The following TDRD9 variants were observed in gnomAD, a reference collection of about 807,000 sequenced individuals.
TDRD9 encodes tudor domain containing 9.
Under a neutral mutation model 172.6 loss-of-function variants are expected in TDRD9, and 124 were observed. The ratio of observed to expected loss-of-function variants is 0.72; its 90% CI spans 0.62 to 0.83. TDRD9 has a LOEUF of 0.83. Among genes scored for constraint, TDRD9 ranks in the 40% least tolerant of loss-of-function variants. The pLI, the probability that TDRD9 is intolerant of heterozygous loss-of-function variation, is 0.00. For missense variants in TDRD9, 1,479 were observed against 1,714.1 expected, an observed-to-expected ratio of 0.86 and a Z score of 2.42; for synonymous variants, 619 against 617.1, an observed-to-expected ratio of 1.00 and a Z score of -0.05.
intron 1 of TDRD9, chr14:103,941,122 T>C (rs1441764550): frequency 6.6e-7 from 1 of 1,520,280 alleles, no homozygotes; most frequent in Admixed American, 2.0e-5. Context: ...GAAATGGTAA[T>C]GAATATTCAG....
Position 104,022,280 on chromosome 14 carries a change from A to G in TDRD9, c.2556A>G (p.Glu852=). Residue 852 remains glutamate, a synonymous_variant, in exon 24 of 36, where the codon GAA becomes GAG. Transcript: ENST00000409874. ...AACTCAGCGTTCATTCTGCAGAGGAAATTGAAGGGAAGGTGCAAGGCATGA... is the reference window on the plus strand; with the variant it reads ...AACTCAGCGTTCATTCTGCAGAGGAGATTGAAGGGAAGGTGCAAGGCATGA... ...SLELSVHSAE[E]IEGKVQGMNV... is the part of the protein sequence containing the mutation. 8 of 1,613,814 alleles carry G rather than the reference A, an allele frequency of 5.0e-6. No individual in the cohort carries two copies. The highest frequency in any genetic ancestry group is 6.8e-6 in the Non-Finnish European group (8 of 1,179,836).
chr14:104,001,749 C>T (rs971218380), intron 13 of TDRD9, among the ~76,000 whole-genome samples: 2 of 152,150 alleles, frequency 1.3e-5, no homozygotes, highest in Non-Finnish European at 2.9e-5. Context: ...GCTGGGACTA[C>T]AGGCATGCCC....
At chr14:104,009,650 AAT>A in intron 20 of TDRD9, among the ~76,000 whole-genome samples, 1 of 152,212 alleles carries the variant, frequency 6.6e-6, no homozygotes, top group East Asian at 1.9e-4. Context: ...TAAACTTTTT[AAT>A]TAAAAAAAAT....
intron 34 of TDRD9, among the ~76,000 whole-genome samples, chr14:104,046,343 CT>C (rs2035775765): frequency 6.6e-6 from 1 of 152,132 alleles, no homozygotes; most frequent in South Asian, 2.1e-4. Flanking sequence ...CATTTTCTCT[CT>C]TTTTGTAATT....
chr14:104,016,442 A>G (rs2034794785), intron 22 of TDRD9, among the ~76,000 whole-genome samples: 1 of 152,188 alleles, frequency 6.6e-6, no homozygotes, highest in Non-Finnish European at 1.5e-5. Flanking sequence ...ATAAAATGTT[A>G]TTGGTTGGCA....
At chr14:103,975,671 C>G (rs1337070772) in intron 7 of TDRD9, 118 bp downstream of exon 7, 1 of 991,324 alleles carries the variant, frequency 1.0e-6, no homozygotes, top group Non-Finnish European at 1.4e-6. Context: ...AAAATTGATG[C>G]ATACTAAGTG....
At chr14:104,030,472 CAA>C (rs1415034969) in intron 28 of TDRD9, among the ~76,000 whole-genome samples, 3 of 152,156 alleles carry the variant, frequency 2.0e-5, no homozygotes, top group Admixed American at 2.0e-4. Flanking sequence ...GCCTGGGCGA[CAA>C]GAGTGAGACT....
At chr14:103,961,452 A>T (rs1203053571) in intron 2 of TDRD9, among the ~76,000 whole-genome samples, 1 of 151,950 alleles carries the variant, frequency 6.6e-6, no homozygotes, top group African/African-American at 2.4e-5. Flanking sequence ...AATCCCAGCT[A>T]CTCAGGAGGC....
intron 30 of TDRD9, 37 bp from the exon 31 acceptor site, chr14:104,033,923 A>T (rs1596014245): frequency 7.3e-7 from 1 of 1,364,506 alleles, no homozygotes; most frequent in African/African-American, 1.4e-5. Context: ...TGGTTAGTGG[A>T]TCAGTCACCC....
rs964098639 is a variant in TDRD9 at position 103,941,497 on chromosome 14, A to G, written c.215+12773A>G. The G allele has an allele frequency of 7.2e-6, 11 of 1,534,978 alleles. No individual in the cohort carries two copies. The African/African-American group carries it at 1.5e-4, about 21-fold the overall frequency. On this transcript the variant is annotated intron_variant, in intron 1 of 35. Transcript: ENST00000409874. ...GGGATAGTTGTGTGGGGATTCTGGT[A>G]GTTTCTGAGCCAGTTGTAATCCACA... is the stretch of plus-strand genomic sequence containing the variant.
At chr14:103,992,686 G>A (rs1223466296) in intron 9 of TDRD9, among the ~76,000 whole-genome samples, 2 of 152,120 alleles carry the variant, frequency 1.3e-5, no homozygotes, top group Non-Finnish European at 2.9e-5. Flanking sequence ...CACTTTGGGA[G>A]GCTGAGGTGG....
chr14:104,001,756 G>A (rs371431787), intron 13 of TDRD9, among the ~76,000 whole-genome samples: 4 of 152,028 alleles, frequency 2.6e-5, no homozygotes, highest in Non-Finnish European at 4.4e-5. Flanking sequence ...CTACAGGCAT[G>A]CCCCACCACG....
chr14:103,985,160 G>C (rs183374235), intron 7 of TDRD9, among the ~76,000 whole-genome samples: 139 of 152,286 alleles, frequency 9.1e-4, no homozygotes, highest in African/African-American at 3.3e-3. Context: ...AGACTTTGTG[G>C]GGACTGTTGG....
chr14:103,952,881 A>C (rs2032012361), intron 1 of TDRD9, among the ~76,000 whole-genome samples: 1 of 151,644 alleles, frequency 6.6e-6, no homozygotes, highest in South Asian at 2.1e-4. Context: ...CTGGGATTAC[A>C]GGTGCTCGCC....
At chr14:103,960,158 G>A (rs1258994909) in intron 2 of TDRD9, among the ~76,000 whole-genome samples, 1 of 152,076 alleles carries the variant, frequency 6.6e-6, no homozygotes, top group Non-Finnish European at 1.5e-5. Flanking sequence ...TTAATTTTAT[G>A]GTTACATCAG....
At position 103,975,470 on chromosome 14, in the gene TDRD9, G is replaced by C; in HGVS notation, c.928G>C (p.Ala310Pro). ...TCCTGTTCAAAACAAGATGAATCCT[G>C]CATATATTTTTGAAGTGGAAGGCAA... ...AVPVQNKMNP[A>P]YIFEVEGKPH... Residue 310 changes from alanine (A) to proline (P), a missense_variant, in exon 7 of 36, where the codon GCA becomes CCA. By Grantham distance (27) the Ala-to-Pro change is conservative. Coordinates refer to ENST00000409874, the MANE Select transcript of TDRD9 (RefSeq NM_153046.3). The C allele has an allele frequency of 1.2e-6, 2 of 1,613,856 alleles. No homozygotes were observed. The highest frequency in any genetic ancestry group is 1.7e-6 in the Non-Finnish European group (2 of 1,179,836).
Position 103,975,474 on chromosome 14 carries a change from A to G in TDRD9, c.932A>G (p.Tyr311Cys), listed in dbSNP as rs1256197422. The change falls in exon 7 of 36, where the codon TAT becomes TGT. Residue 311 changes from tyrosine (Y) to cysteine (C), a missense_variant. Tyr to Cys is a radical substitution (Grantham distance 194, BLOSUM62 -2). Coordinates refer to ENST00000409874, the MANE Select transcript of TDRD9 (RefSeq NM_153046.3). ...GTTCAAAACAAGATGAATCCTGCAT[A>G]TATTTTTGAAGTGGAAGGCAAGCCC... ...VPVQNKMNPAYIFEVEGKPHS... is the reference protein window; with the variant it reads ...VPVQNKMNPACIFEVEGKPHS... 9 of 1,613,868 alleles carry G rather than the reference A, an allele frequency of 5.6e-6. No individual in the cohort carries two copies. In the East Asian group the frequency reaches 6.7e-5, roughly 12 times the overall value.
intron 34 of TDRD9, among the ~76,000 whole-genome samples, chr14:104,046,025 C>T (rs766106570): frequency 1.3e-5 from 2 of 152,270 alleles, no homozygotes; most frequent in Non-Finnish European, 2.9e-5. Context: ...GGTGCAGTCT[C>T]GACTCACTGC....
At position 104,032,268 on chromosome 14, in the gene TDRD9, G is replaced by A. The variant is rs182619840; in HGVS notation, c.3509+181G>A. The stretch of plus-strand genomic sequence containing the variant: ...GTCATTCAGGCTGGAGTGCAGTGGC[G>A]CAATCTTGGCTCACTGCAACCTCCG... On this transcript the variant is annotated intron_variant, in intron 30 of 35. Transcript: ENST00000409874. Among the ~76,000 whole-genome samples, 634 of 151,934 alleles carry A rather than the reference G, an allele frequency of 4.2e-3. 4 individuals carry two copies. The highest frequency in any genetic ancestry group is 7.2e-3 in the Non-Finnish European group (492 of 67,964).
Sources: allele counts gnomAD v4.1 joint callset (sites outside exome capture counted in the v4.1 genomes callset), GRCh38; gene constraint gnomAD v4.1.1; transcripts MANE v1.5; gene names NCBI Gene and HGNC (gene_info 2026-07-23, HGNC 2026-07-21).